ARHGEF10L: variants seen among roughly 807,000 people sequenced by gnomAD.
ARHGEF10L encodes the protein rho guanine nucleotide exchange factor 10-like protein.
A neutral mutation model predicts 141.2 loss-of-function variants in ARHGEF10L; 69 were observed. The observed-to-expected ratio is 0.49, with a 90% CI of 0.40 to 0.60. ARHGEF10L has a LOEUF of 0.60. ARHGEF10L is among the 20% of genes least tolerant of loss of function. The pLI is 0.00. For synonymous variants in ARHGEF10L, 711 were observed against 718.5 expected (o/e 0.99, Z 0.17); for missense variants, 1,482 against 1,734.3 (o/e 0.85, Z 2.58).
the ARHGEF10L span, among the ~76,000 whole-genome samples, chr1:17,533,852 G>A: frequency 6.6e-6 from 1 of 152,112 alleles, no homozygotes; most frequent in South Asian, 2.1e-4. Flanking sequence ...TGATGATGTA[G>A]TACATAACAA....
At chr1:17,574,962 C>T (rs1469485406) in intron 1 of ARHGEF10L, among the ~76,000 whole-genome samples, 1 of 152,218 alleles carries the variant, frequency 6.6e-6, no homozygotes, top group Admixed American at 6.5e-5. Context: ...GTTCTCCCCT[C>T]CTCTGGGCCG....
intron 21 of ARHGEF10L, among the ~76,000 whole-genome samples, chr1:17,645,255 G>A (rs2061530343): frequency 1.3e-5 from 2 of 152,272 alleles, no homozygotes; most frequent in Admixed American, 6.5e-5. Flanking sequence ...TTTGGTCTCC[G>A]CCACTCTGGT....
chr1:17,694,125 G>T lies in ARHGEF10L; in HGVS notation c.3185-1033G>T, dbSNP rs528866093. 4.6e-5 allele frequency: 7 copies of T among 152,410 alleles called. No individual in the cohort carries two copies. The East Asian group carries it at 9.6e-4, about 21-fold the overall frequency. 9.4% of individuals were successfully genotyped at this position (152,410 alleles called of 1,614,324 possible). Reference sequence around the variant, plus strand: ...CCATTTTGCCATGTGCAGGCACGGGGTTGTTTTACGTTCATTCATTTAACC... The same window carrying T: ...CCATTTTGCCATGTGCAGGCACGGGTTTGTTTTACGTTCATTCATTTAACC... On this transcript the variant is annotated intron_variant, in intron 27 of 28. Coordinates refer to ENST00000361221, the MANE Select transcript of ARHGEF10L (RefSeq NM_018125.4).
intron 26 of ARHGEF10L, among the ~76,000 whole-genome samples, chr1:17,679,718 C>T (rs1041108428): frequency 1.4e-4 from 22 of 152,228 alleles, no homozygotes; most frequent in African/African-American, 4.3e-4. Flanking sequence ...CGGACGTGAC[C>T]CCGGGTCTGA....
chr1:17,607,694 C>T lies in ARHGEF10L; in HGVS notation c.434-108C>T, dbSNP rs545949195. ...TGGAGCCCCAGGGCCCCCATGTTCTCCCTGACCCCCCCTCGCCCCACCTGG... is the reference window on the plus strand; with the variant it reads ...TGGAGCCCCAGGGCCCCCATGTTCTTCCTGACCCCCCCTCGCCCCACCTGG... On this transcript the variant is annotated intron_variant, in intron 6 of 28. Transcript: ENST00000361221. The surrounding 1 kb of genome is among the most constrained non-coding windows in gnomAD (Gnocchi z 4.5). The T allele has an allele frequency of 7.6e-4, 915 of 1,199,950 alleles. 1 individual carries two copies. The highest frequency in any genetic ancestry group is 4.8e-4 in the Non-Finnish European group (442 of 911,436). The allele number at this position is 1,199,950 out of a possible 1,614,324, so 74.3% of individuals were successfully genotyped here.
At chr1:17,678,328 A>G (rs2063853232) in intron 26 of ARHGEF10L, among the ~76,000 whole-genome samples, 1 of 152,268 alleles carries the variant, frequency 6.6e-6, no homozygotes, top group South Asian at 2.1e-4. Context: ...AAATAGGACT[A>G]ATGAGGAGAA....
At chr1:17,515,834 G>T in the ARHGEF10L span, among the ~76,000 whole-genome samples, 1 of 152,054 alleles carries the variant, frequency 6.6e-6, no homozygotes, top group Non-Finnish European at 1.5e-5. Flanking sequence ...GTAGAGACAG[G>T]GTTCTGCATG....
At chr1:17,687,163 C>T (rs561931370) in intron 26 of ARHGEF10L, among the ~76,000 whole-genome samples, 11 of 152,308 alleles carry the variant, frequency 7.2e-5, no homozygotes, top group Admixed American at 6.5e-4. Context: ...TCATGATTTT[C>T]GGCTCCATCT....
At position 17,616,130 on chromosome 1, in the gene ARHGEF10L, A is replaced by G; in HGVS notation, c.763A>G (p.Lys255Glu). 1 of 1,613,774 alleles carries G rather than the reference A, an allele frequency of 6.2e-7. No individual in the cohort carries two copies. The change falls in exon 9 of 29, where the codon AAG becomes GAG. Residue 255 changes from lysine (K) to glutamate (E), a missense_variant. By Grantham distance (56) the Lys-to-Glu change is moderately conservative (BLOSUM62 1). Around this residue, in one of 3 missense-constraint regions of ARHGEF10L, gnomAD observed 392 missense variants for 542.1 expected, o/e 0.72. Coordinates refer to ENST00000361221, the MANE Select transcript of ARHGEF10L (RefSeq NM_018125.4). ...QLMKAAKSGT[K>E]DGLEKTRMAV... ...CATGAAGGCCGCCAAGAGCGGGACC[A>G]AGGATGGGCTGGAGAAGACACGGAT...
the ARHGEF10L span, among the ~76,000 whole-genome samples, chr1:17,531,938 AGGCTG>A: frequency 6.6e-6 from 1 of 152,174 alleles, no homozygotes; most frequent in Non-Finnish European, 1.5e-5. Context: ...GGCTGGTGCC[AGGCTG>A]CAGCCATGGC....
At chr1:17,634,660 G>C in intron 17 of ARHGEF10L, 98 bp downstream of exon 17, 2 of 1,535,740 alleles carry the variant, frequency 1.3e-6, no homozygotes, top group South Asian at 1.2e-5. Flanking sequence ...TGGGCGCCTG[G>C]TGCTTCTACC....
At chr1:17,566,899 AGACT>A (rs142501689) in intron 1 of ARHGEF10L, among the ~76,000 whole-genome samples, 2,906 of 152,300 alleles carry the variant, frequency 0.019, 51 homozygotes, top group Non-Finnish European at 0.028. Context: ...CAAGGGATGC[AGACT>A]GGCTTTTCTG....
chr1:17,544,278 GTA>G (rs1002523702), intron 1 of ARHGEF10L, among the ~76,000 whole-genome samples: 6 of 149,474 alleles, frequency 4.0e-5, no homozygotes, highest in Non-Finnish European at 5.9e-5. Context: ...ATATATGTGT[GTA>G]TATATATATA....
Position 17,606,496 on chromosome 1 carries a change from G to A in ARHGEF10L, c.434-1306G>A, listed in dbSNP as rs982910813. Among the ~76,000 whole-genome samples, 4 of 151,596 alleles carry A rather than the reference G, an allele frequency of 2.6e-5. No homozygotes were observed. In the East Asian group the frequency reaches 7.8e-4, roughly 29 times the overall value. On this transcript the variant is annotated intron_variant, in intron 6 of 28. Coordinates refer to ENST00000361221, the MANE Select transcript of ARHGEF10L (RefSeq NM_018125.4). Reference sequence around the variant, plus strand: ...TTTAGTAGAGATGGGGTTTCATCATGTTGGCCAGGCTGGTCTTGAACTCCT... The same window carrying A: ...TTTAGTAGAGATGGGGTTTCATCATATTGGCCAGGCTGGTCTTGAACTCCT...
In ARHGEF10L at chr1:17,587,488, C is replaced by T. The variant is rs1352854012; in HGVS notation, c.66C>T (p.Gly22=). 1 of 1,613,906 alleles carries T rather than the reference C, an allele frequency of 6.2e-7. No homozygotes were observed. The highest frequency in any genetic ancestry group is 1.1e-5 in the South Asian group (1 of 91,048). ...IGDQLVPGVP[G]PSSEAEDDPG... is the part of the protein sequence containing the mutation. ...ATCAGCTGGTTCCAGGAGTCCCAGGCCCCTCCTCTGAGGCAGAGGACGACC... is the reference window on the plus strand; with the variant it reads ...ATCAGCTGGTTCCAGGAGTCCCAGGTCCCTCCTCTGAGGCAGAGGACGACC... Residue 22 remains glycine (G), a synonymous_variant, in exon 3 of 29, where the codon GGC becomes GGT. Transcript: ENST00000361221.
At chr1:17,514,742 C>T in the ARHGEF10L span, among the ~76,000 whole-genome samples, 1 of 152,190 alleles carries the variant, frequency 6.6e-6, no homozygotes, top group African/African-American at 2.4e-5. Context: ...TGGCTTATTG[C>T]TTTTGAGGTG....
the ARHGEF10L span, among the ~76,000 whole-genome samples, chr1:17,519,005 G>A: frequency 1.0e-4 from 15 of 149,924 alleles, no homozygotes; most frequent in African/African-American, 3.2e-4. Context: ...GAGAAACCCC[G>A]TCTCTACTAA....
chr1:17,539,097 A>G (rs1377307377), upstream of ARHGEF10L, among the ~76,000 whole-genome samples: 1 of 152,100 alleles, frequency 6.6e-6, no homozygotes, highest in East Asian at 1.9e-4. The surrounding 1 kb of genome is among the most constrained non-coding windows in gnomAD (Gnocchi z 6.0). Context: ...GTTTTCTCCT[A>G]GGGAAAATGG....
chr1:17,601,434 C>G (rs187024975), intron 4 of ARHGEF10L, among the ~76,000 whole-genome samples: 1 of 152,170 alleles, frequency 6.6e-6, no homozygotes, highest in Non-Finnish European at 1.5e-5. Flanking sequence ...TCTTTTGAAG[C>G]TTTGCAAGTC....
Sources: gnomAD v4.1 joint callset for allele counts (sites outside exome capture counted in the v4.1 genomes callset) on GRCh38, gnomAD v4.1.1 for gene constraint, gnomAD v4.1.1 regional missense constraint, Gnocchi (gnomAD v3.1) non-coding constraint, MANE v1.5 for transcripts, NCBI Gene and HGNC (gene_info 2026-07-23, HGNC 2026-07-21) for gene names.